The following CSMD1 variants were observed in gnomAD, a reference collection of about 807,000 sequenced individuals.
The protein encoded by CSMD1 is CUB and Sushi multiple domains 1.
CSMD1 carries 213 observed loss-of-function variants against 417.5 expected under a neutral mutation model. That is an observed-to-expected ratio of 0.51 (90% confidence interval 0.46 to 0.57). CSMD1 has a LOEUF of 0.57. Among genes scored for constraint, CSMD1 ranks in the 20% least tolerant of loss-of-function variants. The pLI is 0.00. For synonymous variants in CSMD1, 2,862 were observed against 1,736.8 expected, an observed-to-expected ratio of 1.65 and a Z score of -16.11; for missense variants, 6,923 against 4,529.7, an observed-to-expected ratio of 1.53 and a Z score of -15.17.
intron 2 of CSMD1, among the ~76,000 whole-genome samples, chr8:4,621,384 G>C (rs1801769609): frequency 6.6e-6 from 1 of 151,944 alleles, no homozygotes; most frequent in African/African-American, 2.4e-5. Context: ...GGAACATTTG[G>C]GATTTGGAAT....
chr8:3,619,379 T>A (rs1802306585), intron 7 of CSMD1, among the ~76,000 whole-genome samples: 1 of 107,948 alleles, frequency 9.3e-6, no homozygotes, highest in African/African-American at 3.3e-5. Context: ...TTCAAATGCT[T>A]ATTTTTTTTT....
chr8:4,736,217 T>C (rs1026946608), intron 1 of CSMD1, among the ~76,000 whole-genome samples: 1 of 152,130 alleles, frequency 6.6e-6, no homozygotes, highest in African/African-American at 2.4e-5. Flanking sequence ...CAGGGAAAAA[T>C]GCTGTAAAAA....
intron 5 of CSMD1, among the ~76,000 whole-genome samples, chr8:3,911,301 C>CT (rs369861925): frequency 0.02 from 3,030 of 148,796 alleles, 102 homozygotes; most frequent in African/African-American, 0.067. Flanking sequence ...ATCATAGATC[C>CT]TTTTTTTTTT....
At chr8:4,836,069 T>C (rs1022175893) in intron 1 of CSMD1, among the ~76,000 whole-genome samples, 1 of 152,272 alleles carries the variant, frequency 6.6e-6, no homozygotes, top group African/African-American at 2.4e-5. Context: ...TTTAGAATAT[T>C]GGACATACAC....
chr8:4,471,396 A>C (rs184235642), intron 2 of CSMD1, among the ~76,000 whole-genome samples: 3 of 152,274 alleles, frequency 2.0e-5, no homozygotes, highest in Admixed American at 1.3e-4. Context: ...TATTTTGACA[A>C]GGTTCCTATA....
chr8:4,569,169 T>C (rs531084235), intron 2 of CSMD1, among the ~76,000 whole-genome samples: 45 of 152,354 alleles, frequency 3.0e-4, no homozygotes, highest in African/African-American at 1.0e-3. Context: ...CTGTCAATTC[T>C]GGCTTTTGTT....
At chr8:3,740,940 G>C (rs896956245) in intron 6 of CSMD1, among the ~76,000 whole-genome samples, 1 of 152,028 alleles carries the variant, frequency 6.6e-6, no homozygotes, top group Admixed American at 6.6e-5. Context: ...AGGGGGCCAG[G>C]GGTAGTGGCT....
chr8:3,613,218 A>C (rs1563199678), intron 8 of CSMD1: 4 of 347,312 alleles, frequency 1.2e-5, no homozygotes, highest in Non-Finnish European at 2.3e-5. Context: ...CTGAAGTAGA[A>C]GTAGATCATC....
chr8:3,127,975 G>C (rs1817599650), intron 41 of CSMD1: 1 of 128,310 alleles, frequency 7.8e-6, no homozygotes, highest in Admixed American at 7.9e-5. Flanking sequence ...AGGGAGGGAA[G>C]GAAAGAAGGG....
intron 12 of CSMD1, among the ~76,000 whole-genome samples, chr8:3,445,496 C>A (rs1815241624): frequency 6.6e-6 from 1 of 152,118 alleles, no homozygotes; most frequent in Non-Finnish European, 1.5e-5. Context: ...GGAACCAAGC[C>A]TCTATAGCTG....
At chr8:4,886,682 G>T (rs1457100062) in intron 1 of CSMD1, among the ~76,000 whole-genome samples, 1 of 151,972 alleles carries the variant, frequency 6.6e-6, no homozygotes, top group Non-Finnish European at 1.5e-5. Flanking sequence ...ACATATCACA[G>T]ATTCATTCAG....
At chr8:4,379,081 C>G (rs1802933483) in intron 3 of CSMD1, among the ~76,000 whole-genome samples, 2 of 152,124 alleles carry the variant, frequency 1.3e-5, no homozygotes, top group Admixed American at 6.5e-5. Flanking sequence ...GATATTCAGC[C>G]TACACCACCT....
At chr8:3,358,961 T>C (rs764429981) in intron 21 of CSMD1, among the ~76,000 whole-genome samples, 191 bp downstream of exon 21, 3 of 152,124 alleles carry the variant, frequency 2.0e-5, no homozygotes, top group African/African-American at 4.8e-5. Flanking sequence ...ACTTACTTTA[T>C]AGATGAGCTA....
chr8:3,452,604 T>C (rs1815813931), intron 12 of CSMD1, among the ~76,000 whole-genome samples: 1 of 152,224 alleles, frequency 6.6e-6, no homozygotes, highest in East Asian at 1.9e-4. Flanking sequence ...GTTCTGTTTA[T>C]ATGCTGGATT....
chr8:3,368,698 C>T (rs558675604), intron 19 of CSMD1, among the ~76,000 whole-genome samples: 1 of 152,236 alleles, frequency 6.6e-6, no homozygotes, highest in African/African-American at 2.4e-5. Context: ...GGCTACAATC[C>T]TAATCCCAGT....
At chr8:3,406,782 C>A (rs921863462) in intron 14 of CSMD1, among the ~76,000 whole-genome samples, 2 of 152,194 alleles carry the variant, frequency 1.3e-5, no homozygotes, top group South Asian at 2.1e-4. Context: ...AATATTCTCT[C>A]ACTTTATTCC....
chr8:4,239,582 C>A (rs1323120231), intron 3 of CSMD1, among the ~76,000 whole-genome samples: 2 of 152,158 alleles, frequency 1.3e-5, no homozygotes, highest in African/African-American at 4.8e-5. Flanking sequence ...TCCAGTAAAT[C>A]CCCTAGCCAC....
intron 3 of CSMD1, among the ~76,000 whole-genome samples, chr8:4,176,697 G>C (rs1029480554): frequency 6.6e-6 from 1 of 150,844 alleles, no homozygotes; most frequent in Admixed American, 6.6e-5. Flanking sequence ...CTCACGTGCA[G>C]AGACACACAT....
intron 41 of CSMD1, among the ~76,000 whole-genome samples, chr8:3,124,180 C>T (rs150411570): frequency 4.4e-4 from 67 of 151,952 alleles, no homozygotes; most frequent in African/African-American, 1.6e-3. Flanking sequence ...ATGGGCAGTA[C>T]AGTGGTTTTC....
Sources: allele counts gnomAD v4.1 joint callset (sites outside exome capture counted in the v4.1 genomes callset), GRCh38; gene constraint gnomAD v4.1.1; transcripts MANE v1.5; gene names NCBI Gene and HGNC (gene_info 2026-07-23, HGNC 2026-07-21).